Variants in ANO1 observed in about 807,000 individuals in gnomAD.
The protein encoded by ANO1 is anoctamin 1, also known as anoctamin-1.
ANO1 carries 59 observed loss-of-function variants against 124.0 expected under a neutral mutation model. The ratio of observed to expected loss-of-function variants is 0.48; its 90% CI spans 0.39 to 0.59. The LOEUF is 0.59. ANO1 is among the 20% of genes least tolerant of loss of function. The pLI, the probability that ANO1 is intolerant of heterozygous loss-of-function variation, is 0.00. For synonymous variants in ANO1, 529 were observed against 532.0 expected, an observed-to-expected ratio of 0.99 and a Z score of 0.08; for missense variants, 1,059 against 1,328.0, an observed-to-expected ratio of 0.80 and a Z score of 3.15.
At chr11:70,176,718 C>T (rs1159802697) in intron 22 of ANO1, among the ~76,000 whole-genome samples, 4 of 152,304 alleles carry the variant, frequency 2.6e-5, no homozygotes, top group African/African-American at 9.6e-5. Flanking sequence ...CTGTCATGGC[C>T]TGAACCAGTC....
chr11:70,087,770 G>T lies in ANO1; in HGVS notation c.127G>T (p.Val43Leu). ...CCCTTAGCTGCTGAACTCCTTATCT[G>T]TGGACCCTGATGCCGAGTGCAAGTA... is the stretch of plus-strand genomic sequence containing the variant. ...SEGTLLNSLS[V>L]DPDAECKYGL... is the part of the protein sequence containing the mutation. Residue 43 changes from valine (V) to leucine (L), a missense_variant, in exon 2 of 26, where the codon GTG becomes TTG. Physicochemically the swap from Val to Leu is conservative, Grantham distance 32. This residue lies in a region of ANO1 where 250 missense variants were observed against 233.1 expected (regional missense o/e 1.07). Transcript: ENST00000355303. 6.2e-7 allele frequency: 1 copy of T among 1,606,224 alleles called. No homozygotes were observed. The highest frequency in any genetic ancestry group is 1.1e-5 in the South Asian group (1 of 89,720).
intron 1 of ANO1, among the ~76,000 whole-genome samples, chr11:70,024,750 A>G (rs1342322459): frequency 6.6e-6 from 1 of 152,226 alleles, no homozygotes; most frequent in Non-Finnish European, 1.5e-5. Flanking sequence ...CACCAGGCAC[A>G]AAGCCCCGCT....
intron 2 of ANO1, among the ~76,000 whole-genome samples, chr11:70,098,226 G>A (rs1328488352): frequency 6.6e-6 from 1 of 152,220 alleles, no homozygotes; most frequent in Non-Finnish European, 1.5e-5. Flanking sequence ...CTCCTTGGGA[G>A]CTGAGGAAGC....
chr11:70,121,286 G>C lies in ANO1; in HGVS notation c.898-3064G>C, dbSNP rs1385817863. Among the ~76,000 whole-genome samples the C allele has an allele frequency of 6.0e-5, 8 of 134,446 alleles. No homozygotes were observed. The East Asian group carries it at 1.8e-3, about 31-fold the overall frequency. The allele number at this position is 134,446 out of a possible 152,430, so 88.2% of individuals were successfully genotyped here. On this transcript the variant is annotated intron_variant, in intron 8 of 25. Transcript: ENST00000355303. Reference sequence around the variant, plus strand: ...CTCTCCATCTCCCCCATGTCTCTCTGTCTGTCTGTCTGTCTCTCCATCTGC... The same window carrying C: ...CTCTCCATCTCCCCCATGTCTCTCTCTCTGTCTGTCTGTCTCTCCATCTGC...
intron 1 of ANO1, among the ~76,000 whole-genome samples, chr11:70,002,797 G>A (rs1004886629): frequency 2.0e-5 from 3 of 152,192 alleles, no homozygotes; most frequent in Admixed American, 6.5e-5. Flanking sequence ...AACAACCATT[G>A]AGGGTAAAGC....
At chr11:70,005,076 G>A (rs1212653439) in intron 1 of ANO1, among the ~76,000 whole-genome samples, 1 of 144,304 alleles carries the variant, frequency 6.9e-6, no homozygotes, top group Admixed American at 7.4e-5. Context: ...TCGTGCCACT[G>A]CACTCCAGCC....
At chr11:69,996,006 G>T (rs1316619073) in intron 1 of ANO1, among the ~76,000 whole-genome samples, 1 of 152,212 alleles carries the variant, frequency 6.6e-6, no homozygotes, top group Non-Finnish European at 1.5e-5. Flanking sequence ...AGCTATTTGG[G>T]ATGCTGAGAC....
chr11:70,124,649 C>A (rs1590800033), intron 9 of ANO1, among the ~76,000 whole-genome samples: 1 of 152,294 alleles, frequency 6.6e-6, no homozygotes, highest in East Asian at 1.9e-4. Flanking sequence ...TCACATTTAC[C>A]ATCTCCTAAA....
At chr11:70,162,330 A>C (rs1380262056) in intron 18 of ANO1, among the ~76,000 whole-genome samples, 1 of 152,054 alleles carries the variant, frequency 6.6e-6, no homozygotes, top group Non-Finnish European at 1.5e-5. Context: ...AGGGGACCCC[A>C]GGGACTCCAG....
At chr11:69,994,690 C>T (rs1333655879) in intron 1 of ANO1, among the ~76,000 whole-genome samples, 2 of 152,272 alleles carry the variant, frequency 1.3e-5, no homozygotes, top group African/African-American at 4.8e-5. Flanking sequence ...TGAGGTGATG[C>T]TGTCACATCA....
At chr11:70,107,496 G>GGGGGGGGGGGGGGGGGGGGGGGT (rs1157282108) in intron 5 of ANO1, among the ~76,000 whole-genome samples, 1 of 86,398 alleles carries the variant, frequency 1.2e-5, no homozygotes, top group African/African-American at 4.4e-5. Context: ...GAGGCGGCGG[G>GGGGGGGGGGGGGGGGGGGGGGGT]GCGGGGAAGC....
At chr11:70,172,130 AAAAAAAG>A (rs2048498267) in intron 22 of ANO1, among the ~76,000 whole-genome samples, 2 of 148,536 alleles carry the variant, frequency 1.3e-5, no homozygotes, top group Admixed American at 6.8e-5. Context: ...AAAAAAAAAA[AAAAAAAG>A]AAAAGAAAAG....
intron 22 of ANO1, among the ~76,000 whole-genome samples, chr11:70,175,677 G>T (rs1392278748): frequency 6.6e-6 from 1 of 152,352 alleles, no homozygotes; most frequent in East Asian, 1.9e-4. Context: ...CTGCATGTGG[G>T]CAGGAGTGGT....
At chr11:70,136,311 T>C (rs1217117111) in intron 11 of ANO1, among the ~76,000 whole-genome samples, 1 of 152,176 alleles carries the variant, frequency 6.6e-6, no homozygotes, top group Admixed American at 6.5e-5. Context: ...CACAGGCCTC[T>C]GCAGGAACCC....
At chr11:70,008,695 C>T (rs1555000522) in intron 1 of ANO1, among the ~76,000 whole-genome samples, 1 of 151,860 alleles carries the variant, frequency 6.6e-6, no homozygotes, top group East Asian at 1.9e-4. Flanking sequence ...GCAACATGCA[C>T]CTCAAACTGC....
intron 1 of ANO1, among the ~76,000 whole-genome samples, chr11:70,038,534 TTGA>T (rs1249582017): frequency 2.6e-5 from 4 of 152,206 alleles, no homozygotes; most frequent in Non-Finnish European, 5.9e-5. Flanking sequence ...TGTCTCAGTG[TTGA>T]TTTTGCGACA....
At chr11:69,987,608 A>G (rs1269699993) in intron 1 of ANO1, among the ~76,000 whole-genome samples, 25 of 9,668 alleles carry the variant, frequency 2.6e-3, no homozygotes, top group Admixed American at 5.1e-3. Context: ...ATGTCTCAAA[A>G]AAAAAAAAAA....
intron 11 of ANO1, among the ~76,000 whole-genome samples, chr11:70,147,556 G>A (rs995159303): frequency 5.3e-5 from 8 of 152,184 alleles, no homozygotes; most frequent in South Asian, 2.1e-4. Context: ...ATGGGGAGGC[G>A]CGTTCCCCAG....
intron 1 of ANO1, among the ~76,000 whole-genome samples, chr11:70,023,095 T>C (rs1856835494): frequency 6.6e-6 from 1 of 152,216 alleles, no homozygotes; most frequent in Non-Finnish European, 1.5e-5. Context: ...ACACCTTAGC[T>C]TTAGCCCAGT....
Sources: allele counts gnomAD v4.1 joint callset (sites outside exome capture counted in the v4.1 genomes callset), GRCh38; gene constraint gnomAD v4.1.1; regional missense constraint gnomAD v4.1.1; transcripts MANE v1.5; gene names NCBI Gene and HGNC (gene_info 2026-07-23, HGNC 2026-07-21).